GPATCH1: variants seen among roughly 807,000 people sequenced by gnomAD.
GPATCH1 encodes the protein G patch domain-containing protein 1.
GPATCH1 carries 73 observed loss-of-function variants against 114.9 expected under a neutral mutation model. The ratio of observed to expected loss-of-function variants is 0.64; its 90% CI spans 0.53 to 0.77. The LOEUF is 0.77. GPATCH1 is among the 30% of genes least tolerant of loss of function. GPATCH1 has a pLI of 0.00. For missense variants in GPATCH1, 1,058 were observed against 1,144.3 expected (o/e 0.92, Z 1.09); for synonymous variants, 391 against 428.4 (o/e 0.91, Z 1.08).
chr19:33,089,851 C>A (rs1263638050), intron 2 of GPATCH1, among the ~76,000 whole-genome samples: 1 of 152,132 alleles, frequency 6.6e-6, no homozygotes, highest in African/African-American at 2.4e-5. Context: ...AACTCCTGAC[C>A]TCAAGTGTTC....
chr19:33,109,926 A>G lies in GPATCH1; in HGVS notation c.1495A>G (p.Lys499Glu). The G allele has an allele frequency of 6.2e-7, 1 of 1,614,184 alleles. No individual in the cohort carries two copies. Among genetic ancestry groups the G allele is most frequent in the Non-Finnish European group, 8.5e-7 (1 of 1,180,030 alleles). ...MALGGGTATL[K>E]ASNFKPFAKD... ...ATTAGGTGGTGGGACGGCCACCTTA[A>G]AAGCCAGCAACTTCAAGCCTTTCGC... Residue 499 changes from lysine to glutamate, a missense_variant, in exon 11 of 20, where the codon AAA becomes GAA. Transcript: ENST00000170564.
intron 9 of GPATCH1, among the ~76,000 whole-genome samples, chr19:33,105,682 C>A (rs186466854): frequency 1.3e-5 from 2 of 151,732 alleles, no homozygotes; most frequent in African/African-American, 4.8e-5. Context: ...CACCACCACA[C>A]CTGGCTAATT....
chr19:33,103,141 T>C (rs1323872025), intron 9 of GPATCH1, among the ~76,000 whole-genome samples: 1 of 152,216 alleles, frequency 6.6e-6, no homozygotes. Context: ...TTGTCAGCAT[T>C]CCTGTTTTAG....
intron 16 of GPATCH1, 89 bp downstream of exon 16, chr19:33,118,130 C>A: frequency 1.2e-6 from 1 of 803,478 alleles, no homozygotes; most frequent in Non-Finnish European, 2.1e-6. Context: ...AATCTTAAAC[C>A]CGAATGATTA....
At position 33,112,622 on chromosome 19, in the gene GPATCH1, G is replaced by A; in HGVS notation, c.1892+9G>A. On this transcript the variant is annotated intron_variant, in intron 13 of 19. Coordinates refer to ENST00000170564, the MANE Select transcript of GPATCH1 (RefSeq NM_018025.3). ...CCTGACCCTTATCCAGAGTAAGTTG[G>A]ATAAACCTTTACATCAGTACAAAAT... is the stretch of plus-strand genomic sequence containing the variant. The A allele has an allele frequency of 6.2e-7, 1 of 1,611,686 alleles. No homozygotes were observed. Among genetic ancestry groups the A allele is most frequent in the South Asian group, 1.1e-5 (1 of 90,906 alleles).
rs139702223 is a variant in GPATCH1, at chr19:33,118,367, T to C, written c.2413+326T>C. Among the ~76,000 whole-genome samples, 533 of 151,676 alleles carry C rather than the reference T, an allele frequency of 3.5e-3. 1 individual carries two copies. Among genetic ancestry groups the C allele is most frequent in the South Asian group, 0.014 (67 of 4,786 alleles). ...CTAATTTTTGTATTTTTAGTAGAGATGGGGTTTCACCATGTTGGCCAGGCT... is the reference window on the plus strand; with the variant it reads ...CTAATTTTTGTATTTTTAGTAGAGACGGGGTTTCACCATGTTGGCCAGGCT... On this transcript the variant is annotated intron_variant, in intron 16 of 19. Coordinates refer to ENST00000170564, the MANE Select transcript of GPATCH1 (RefSeq NM_018025.3).
At chr19:33,122,428 C>T (rs576948196) in intron 17 of GPATCH1, among the ~76,000 whole-genome samples, 6 of 151,858 alleles carry the variant, frequency 4.0e-5, no homozygotes, top group East Asian at 3.9e-4. Context: ...AGGTTCACGC[C>T]GTTCTCCTGC....
chr19:33,082,456 A>G (rs531099580), intron 1 of GPATCH1, among the ~76,000 whole-genome samples: 41 of 152,208 alleles, frequency 2.7e-4, no homozygotes, highest in Admixed American at 7.9e-4. Context: ...TACTTCTGGG[A>G]TATCTCCACT....
In GPATCH1 at chr19:33,111,796, G is replaced by C. The variant is rs377165973; in HGVS notation, c.1658G>C (p.Arg553Pro). 6.2e-7 allele frequency: 1 copy of C among 1,613,894 alleles called. No homozygotes were observed. The highest frequency in any genetic ancestry group is 2.2e-5 in the East Asian group (1 of 44,876). ...ERGRERDEFA[R>P]AALLYASSHS... ...GGCCGTGAGCGGGATGAGTTTGCCC[G>C]GGCGGCCCTGCTGTACGCATCTTCC... Residue 553 changes from arginine to proline, a missense_variant, in exon 12 of 20, where the codon CGG (arginine) becomes CCG (proline). Physicochemically the swap from Arg to Pro is moderately radical, Grantham distance 103. This residue lies in a region of GPATCH1 where 893 missense variants were observed against 977.4 expected (regional missense o/e 0.91). Transcript: ENST00000170564.
intron 3 of GPATCH1, among the ~76,000 whole-genome samples, chr19:33,092,451 C>T (rs553943153): frequency 2.6e-5 from 4 of 152,300 alleles, no homozygotes; most frequent in African/African-American, 9.6e-5. Flanking sequence ...ATTCCTAACG[C>T]AGTCCCTGGC....
chr19:33,118,566 A>T, intron 16 of GPATCH1, among the ~76,000 whole-genome samples: 1 of 152,162 alleles, frequency 6.6e-6, no homozygotes, highest in East Asian at 1.9e-4. Context: ...CGTGAATATG[A>T]TCATTTATCT....
At chr19:33,100,029 C>G (rs1972707780) in intron 8 of GPATCH1, 1 of 151,936 alleles carries the variant, frequency 6.6e-6, no homozygotes, top group African/African-American at 2.4e-5. Context: ...CCTCGGCCTC[C>G]CAGAGTGCTG....
chr19:33,109,977 T>A lies in GPATCH1; in HGVS notation c.1546T>A (p.Tyr516Asn). 6.2e-7 allele frequency: 1 copy of A among 1,613,762 alleles called. No homozygotes were observed. The highest frequency in any genetic ancestry group is 1.3e-5 in the African/African-American group (1 of 75,052). ...CAAAGATCCGGAAAAGCAAAAGCGA[T>A]ACGACGAGTTCTTAGTACACATGAA... ...FAKDPEKQKRYDEFLVHMKQG... is the reference protein window; with the variant it reads ...FAKDPEKQKRNDEFLVHMKQG... Residue 516 changes from tyrosine to asparagine, a missense_variant, in exon 11 of 20, where the codon TAC becomes AAC. Physicochemically the swap from Tyr to Asn is moderately radical, Grantham distance 143. This residue lies in a region of GPATCH1 where 893 missense variants were observed against 977.4 expected (regional missense o/e 0.91). Transcript: ENST00000170564.
At chr19:33,108,205 T>A (rs1248513500) in intron 10 of GPATCH1, among the ~76,000 whole-genome samples, 2 of 152,126 alleles carry the variant, frequency 1.3e-5, no homozygotes, top group Non-Finnish European at 2.9e-5. Flanking sequence ...GGTGGTCTCC[T>A]TGTTTCCTGT....
At chr19:33,104,111 C>A (rs539120332) in intron 9 of GPATCH1, among the ~76,000 whole-genome samples, 8 of 151,582 alleles carry the variant, frequency 5.3e-5, no homozygotes, top group Non-Finnish European at 1.2e-4. Flanking sequence ...GGGCAGATCG[C>A]TAGAGTCCAG....
At chr19:33,115,077 C>G (rs1432365780) in intron 15 of GPATCH1, among the ~76,000 whole-genome samples, 1 of 123,574 alleles carries the variant, frequency 8.1e-6, no homozygotes, top group Non-Finnish European at 1.8e-5. Flanking sequence ...TTTTTTTTTT[C>G]TCTGACACCG....
chr19:33,088,658 C>CTT (rs10658695), intron 2 of GPATCH1, among the ~76,000 whole-genome samples: 22,032 of 96,078 alleles, frequency 0.23, 4,145 homozygotes, highest in African/African-American at 0.48. Context: ...GCCACCTTTG[C>CTT]TTTTTTTTTT....
intron 3 of GPATCH1, among the ~76,000 whole-genome samples, chr19:33,093,049 A>G (rs541487237): frequency 6.6e-6 from 1 of 152,132 alleles, no homozygotes; most frequent in South Asian, 2.1e-4. Context: ...CTAGCCAGGC[A>G]TGGTGGTGTG....
chr19:33,091,049 CA>C (rs1288027253), intron 3 of GPATCH1, among the ~76,000 whole-genome samples, 184 bp downstream of exon 3: 1 of 152,054 alleles, frequency 6.6e-6, no homozygotes, highest in Non-Finnish European at 1.5e-5. Flanking sequence ...ATTGGAGGAG[CA>C]TTTTATACTG....
Sources: allele counts gnomAD v4.1 joint callset (sites outside exome capture counted in the v4.1 genomes callset), GRCh38; gene constraint gnomAD v4.1.1; regional missense constraint gnomAD v4.1.1; transcripts MANE v1.5; gene names NCBI Gene and HGNC (gene_info 2026-07-23, HGNC 2026-07-21).